FGGY: variants seen among roughly 807,000 people sequenced by gnomAD.
The protein encoded by FGGY is FGGY carbohydrate kinase domain containing.
In FGGY, 72 loss-of-function variants were observed where a neutral mutation model predicts 71.3. The ratio of observed to expected loss-of-function variants is 1.01; its 90% CI spans 0.84 to 1.23. FGGY has a LOEUF of 1.23. FGGY is among the 50% of genes most tolerant of loss of function. The probability of loss-of-function intolerance (pLI) is 0.00; values close to 1 mark genes in which losing one functional copy is unlikely to be tolerated. For synonymous variants in FGGY, 251 were observed against 250.3 expected, an observed-to-expected ratio of 1.00 and a Z score of -0.02; for missense variants, 668 against 682.3, an observed-to-expected ratio of 0.98 and a Z score of 0.23.
chr1:59,665,839 AT>A (rs559404257), intron 12 of FGGY, among the ~76,000 whole-genome samples: 1 of 151,886 alleles, frequency 6.6e-6, no homozygotes, highest in Non-Finnish European at 1.5e-5. Flanking sequence ...ACGCCCAGCT[AT>A]TTTTTTGTAT....
At chr1:59,554,332 C>G in intron 8 of FGGY, 105 bp downstream of exon 8, 1 of 759,108 alleles carries the variant, frequency 1.3e-6, no homozygotes, top group Non-Finnish European at 2.1e-6. Context: ...TTCCTCTTTT[C>G]CCTGCCTGCC....
intron 5 of FGGY, among the ~76,000 whole-genome samples, chr1:59,383,058 C>T (rs2059660585): frequency 6.6e-6 from 1 of 152,134 alleles, no homozygotes; most frequent in South Asian, 2.1e-4. Context: ...GGGCAAGTCT[C>T]TTCCCTTCTT....
chr1:59,717,263 A>G (rs1423361029), intron 14 of FGGY, among the ~76,000 whole-genome samples: 1 of 152,110 alleles, frequency 6.6e-6, no homozygotes, highest in African/African-American at 2.4e-5. Flanking sequence ...AGGGTAATCT[A>G]TATACCCTAT....
intron 8 of FGGY, among the ~76,000 whole-genome samples, chr1:59,588,750 G>C (rs2096364375): frequency 6.6e-6 from 1 of 152,142 alleles, no homozygotes; most frequent in Non-Finnish European, 1.5e-5. Flanking sequence ...GAGAGATTTT[G>C]TCACCACCAG....
chr1:59,499,295 G>GTTTATTTTTTTTTT (rs1558134095), intron 6 of FGGY, among the ~76,000 whole-genome samples: 1 of 70,088 alleles, frequency 1.4e-5, no homozygotes, highest in African/African-American at 7.9e-5. Flanking sequence ...TGTATACTAT[G>GTTTATTTTTTTTTT]TTTGTTTTTT....
chr1:59,647,568 A>G (rs2097107274), intron 11 of FGGY, among the ~76,000 whole-genome samples: 2 of 152,112 alleles, frequency 1.3e-5, no homozygotes, highest in Admixed American at 6.5e-5. Context: ...CAAAGGTTTT[A>G]TTGGAAGGTT....
intron 7 of FGGY, among the ~76,000 whole-genome samples, chr1:59,535,172 G>A (rs1475121887): frequency 1.3e-5 from 2 of 151,906 alleles, no homozygotes; most frequent in Admixed American, 6.6e-5. Flanking sequence ...AAAAGGCAGG[G>A]GTTGCAATCC....
At chr1:59,539,039 T>C (rs1389960620) in intron 7 of FGGY, among the ~76,000 whole-genome samples, 1 of 152,030 alleles carries the variant, frequency 6.6e-6, no homozygotes, top group Non-Finnish European at 1.5e-5. Flanking sequence ...TGATTTACAA[T>C]AAAATAAAAA....
In FGGY at chr1:59,469,638, T is replaced by C. The variant is rs185376118; in HGVS notation, c.670+12562T>C. On this transcript the variant is annotated intron_variant, in intron 6 of 15. Transcript: ENST00000303721. ...GTTCAAGGGTAGAAGTGCAGTTTTG[T>C]TACATAGGTAAACTTGTGTCATGGG... 1.7e-4 allele frequency among the ~76,000 whole-genome samples: 26 copies of C among 152,330 alleles called. No individual in the cohort carries two copies. The East Asian group carries it at 5.0e-3, about 29-fold the overall frequency.
intron 5 of FGGY, among the ~76,000 whole-genome samples, chr1:59,424,769 A>G (rs2066046568): frequency 6.6e-6 from 1 of 152,204 alleles, no homozygotes; most frequent in Non-Finnish European, 1.5e-5. Context: ...CAATGAATAA[A>G]TGGATGGTAG....
intron 1 of FGGY, among the ~76,000 whole-genome samples, chr1:59,308,665 C>T (rs1329336750): frequency 6.6e-6 from 1 of 152,150 alleles, no homozygotes; most frequent in Non-Finnish European, 1.5e-5. Context: ...GGGGGCCTGA[C>T]TTTGAATTTC....
intron 7 of FGGY, among the ~76,000 whole-genome samples, chr1:59,518,912 T>C (rs974522334): frequency 4.6e-5 from 7 of 152,368 alleles, no homozygotes; most frequent in African/African-American, 1.7e-4. Flanking sequence ...ATGTTCATTA[T>C]AGAATTTGCT....
rs184315992 is a variant in FGGY at position 59,372,725 on chromosome 1, G to A, written c.466-6024G>A. On this transcript the variant is annotated intron_variant, in intron 4 of 15. Transcript: ENST00000303721. ...GCTTATCCACCATGATCAAGTGGCC[G>A]TCATCCCTGGGATGTAAGGCTGGTC... Among the ~76,000 whole-genome samples the A allele has an allele frequency of 9.2e-5, 14 of 152,226 alleles. 1 individual carries two copies. In the South Asian group the frequency reaches 1.2e-3, roughly 14 times the overall value.
At chr1:59,431,306 G>T (rs2067317031) in intron 5 of FGGY, among the ~76,000 whole-genome samples, 1 of 152,126 alleles carries the variant, frequency 6.6e-6, no homozygotes, top group South Asian at 2.1e-4. Flanking sequence ...GGAATATAAG[G>T]TCCAATGTGA....
At chr1:59,589,585 G>A (rs1214837185) in intron 8 of FGGY, among the ~76,000 whole-genome samples, 6 of 152,152 alleles carry the variant, frequency 3.9e-5, no homozygotes, top group Admixed American at 1.3e-4. Context: ...ATAACAAACT[G>A]TCTCTCAGAC....
At chr1:59,601,263 G>A (rs1045474265) in intron 8 of FGGY, among the ~76,000 whole-genome samples, 3 of 152,198 alleles carry the variant, frequency 2.0e-5, no homozygotes, top group Admixed American at 6.5e-5. Context: ...GAGTGATGGC[G>A]TTGCAGGGAG....
At chr1:59,539,266 A>T (rs1056363131) in intron 7 of FGGY, among the ~76,000 whole-genome samples, 2 of 152,318 alleles carry the variant, frequency 1.3e-5, no homozygotes, top group Non-Finnish European at 2.9e-5. Flanking sequence ...GAGGATGGAA[A>T]TTGGTAGACA....
chr1:59,566,919 G>A (rs1407916717), intron 8 of FGGY, among the ~76,000 whole-genome samples: 1 of 152,156 alleles, frequency 6.6e-6, no homozygotes, highest in African/African-American at 2.4e-5. Context: ...TGATACTAGT[G>A]TGTGGTCTTT....
intron 6 of FGGY, among the ~76,000 whole-genome samples, chr1:59,475,269 T>C (rs563752248): frequency 1.1e-4 from 17 of 152,352 alleles, no homozygotes; most frequent in African/African-American, 3.6e-4. Flanking sequence ...TTGAGAGGCA[T>C]CTTAATTGGA....
Sources: allele counts gnomAD v4.1 joint callset (sites outside exome capture counted in the v4.1 genomes callset), GRCh38; gene constraint gnomAD v4.1.1; transcripts MANE v1.5; gene names NCBI Gene and HGNC (gene_info 2026-07-23, HGNC 2026-07-21).